The following MMP14 variants were observed in gnomAD, a reference collection of about 807,000 sequenced individuals.
The protein encoded by MMP14 is matrix metalloproteinase-14.
MMP14 carries 13 observed loss-of-function variants against 64.8 expected under a neutral mutation model. That is an observed-to-expected ratio of 0.20 (90% CI 0.13 to 0.32). The LOEUF (loss-of-function observed/expected upper bound fraction) is 0.32, where lower values mean the gene tolerates loss of function less well. Among genes scored for constraint, MMP14 ranks in the 10% least tolerant of loss-of-function variants. The pLI is 1.00. For synonymous variants in MMP14, 322 were observed against 315.9 expected, an observed-to-expected ratio of 1.02 and a Z score of -0.20; for missense variants, 594 against 783.8, an observed-to-expected ratio of 0.76 and a Z score of 2.89.
In MMP14 at chr14:22,846,192, C is replaced by T; in HGVS notation, c.*153C>T. 2 of 714,246 alleles carry T rather than the reference C, an allele frequency of 2.8e-6. No individual in the cohort carries two copies. Among genetic ancestry groups the T allele is most frequent in the South Asian group, 4.0e-5 (2 of 50,390 alleles). The allele number at this position is 714,246 out of a possible 1,614,324, so 44.2% of individuals were successfully genotyped here. A position where few individuals can be genotyped will look rare whatever the true frequency, so the allele number is the denominator to read the frequency against. On this transcript the variant is annotated 3_prime_UTR_variant, in exon 10 of 10. Transcript: ENST00000311852. ...CTGTCCCCTGGCTGGCCTCCTTCAC[C>T]CTGACCGCCTCCCTCCCTCCTGCCC... is the stretch of plus-strand genomic sequence containing the variant.
At chr14:22,839,548 G>C (rs542841683) in intron 1 of MMP14, among the ~76,000 whole-genome samples, 164 of 152,296 alleles carry the variant, frequency 1.1e-3, no homozygotes, top group African/African-American at 3.8e-3. Flanking sequence ...TGTTGGCTGG[G>C]AAAAGGCTGG....
intron 2 of MMP14, 99 bp downstream of exon 2, chr14:22,841,738 C>T (rs753295431): frequency 3.7e-5 from 58 of 1,556,644 alleles, no homozygotes; most frequent in Middle Eastern, 1.7e-4. Context: ...GCACCCCACT[C>T]CCCCATATCT....
chr14:22,842,407 C>A lies in MMP14; in HGVS notation c.381-3C>A. On this transcript the variant is annotated splice_polypyrimidine_tract_variant and splice_region_variant and intron_variant, in intron 3 of 9. Transcript: ENST00000311852. The surrounding 1 kb of genome is among the most constrained non-coding windows in gnomAD (Gnocchi z 5.3). ...ATCCTCTCCCCACGTGGCTGGACCT[C>A]AGCATCCAGAATTACACCCCCAAGG... 1 of 1,607,044 alleles carries A rather than the reference C, an allele frequency of 6.2e-7. No homozygotes were observed.
Position 22,842,278 on chromosome 14 carries a change from G to A in MMP14, c.381-132G>A, listed in dbSNP as rs2039778087. 9.0e-7 allele frequency: 1 copy of A among 1,108,636 alleles called. No individual in the cohort carries two copies. Among genetic ancestry groups the A allele is most frequent in the East Asian group, 2.5e-5 (1 of 39,958 alleles). 68.7% of individuals were successfully genotyped at this position (1,108,636 alleles called of 1,614,324 possible). A position where few individuals can be genotyped will look rare whatever the true frequency, so the allele number is the denominator to read the frequency against. On this transcript the variant is annotated intron_variant, in intron 3 of 9. Transcript: ENST00000311852. This position sits in a 1 kb window ranked among gnomAD's most constrained non-coding sequence, Gnocchi z 5.3. The stretch of plus-strand genomic sequence containing the variant: ...TTGAGACAGAGGCGTTGCGCATGAG[G>A]TAGCAGGAAGAGCTGGGTCAGGCAG...
At chr14:22,845,205 G>A in intron 8 of MMP14, 46 bp from the exon 9 acceptor site, 1 of 1,442,878 alleles carries the variant, frequency 6.9e-7, no homozygotes, top group Non-Finnish European at 9.7e-7. Flanking sequence ...CGCCTCCTGA[G>A]GACATGCCCA....
Position 22,846,115 on chromosome 14 carries a change from T to C in MMP14, c.*76T>C. 7.4e-7 allele frequency: 1 copy of C among 1,359,680 alleles called. No homozygotes were observed. The highest frequency in any genetic ancestry group is 9.7e-7 in the Non-Finnish European group (1 of 1,028,174). 84.2% of individuals were successfully genotyped at this position (1,359,680 alleles called of 1,614,324 possible). A position where few individuals can be genotyped will look rare whatever the true frequency, so the allele number is the denominator to read the frequency against. Reference sequence around the variant, plus strand: ...GCCAGTGGCAGCAGGTGGTGGTGGGTGGGCTGTTCCCATCGTCCCGAGCCC... The same window carrying C: ...GCCAGTGGCAGCAGGTGGTGGTGGGCGGGCTGTTCCCATCGTCCCGAGCCC... On this transcript the variant is annotated 3_prime_UTR_variant, in exon 10 of 10. Transcript: ENST00000311852.
rs772534496 is a variant in MMP14 at position 22,841,949 on chromosome 14, G to C, written c.294G>C (p.Lys98Asn). ...GCCCCCGATGTGGTGTTCCAGACAA[G>C]TTTGGGGCTGAGATCAAGGCCAATG... Reference protein sequence around the residue: ...MRRPRCGVPDKFGAEIKANVR... With the variant: ...MRRPRCGVPDNFGAEIKANVR... The change falls in exon 3 of 10, where the codon AAG becomes AAC. Residue 98 changes from lysine (K) to asparagine (N), a missense_variant. Coordinates refer to ENST00000311852, the MANE Select transcript of MMP14 (RefSeq NM_004995.4). 6.2e-7 allele frequency: 1 copy of C among 1,614,122 alleles called. No individual in the cohort carries two copies. The highest frequency in any genetic ancestry group is 8.5e-7 in the Non-Finnish European group (1 of 1,180,062).
rs1183924205 is a variant in MMP14 at position 22,846,363 on chromosome 14, G to C, written c.*324G>C. ...TTGGGGGCTCTGCACTTGAAGGCAG[G>C]ACCCTCAGACCTCGCTGGTAAAGGT... is the stretch of plus-strand genomic sequence containing the variant. On this transcript the variant is annotated 3_prime_UTR_variant, in exon 10 of 10. Coordinates refer to ENST00000311852, the MANE Select transcript of MMP14 (RefSeq NM_004995.4). The C allele has an allele frequency of 3.1e-6, 1 of 324,076 alleles. No individual in the cohort carries two copies. The highest frequency in any genetic ancestry group is 5.2e-5 in the East Asian group (1 of 19,262). The allele number at this position is 324,076 out of a possible 1,614,324, so 20.1% of individuals were successfully genotyped here.
intron 1 of MMP14, among the ~76,000 whole-genome samples, chr14:22,837,957 G>A (rs1047723041): frequency 2.0e-5 from 3 of 152,252 alleles, no homozygotes; most frequent in Non-Finnish European, 2.9e-5. Context: ...GCGGTTGGGA[G>A]GGGCCAGGAA....
rs2039818410 is a variant in MMP14, at chr14:22,846,848, G to A, written c.*809G>A. 6.5e-6 allele frequency: 1 copy of A among 152,676 alleles called. No homozygotes were observed. Among genetic ancestry groups the A allele is most frequent in the Non-Finnish European group, 1.5e-5 (1 of 68,198 alleles). 9.5% of individuals were successfully genotyped at this position (152,676 alleles called of 1,614,324 possible). On this transcript the variant is annotated 3_prime_UTR_variant, in exon 10 of 10. Coordinates refer to ENST00000311852, the MANE Select transcript of MMP14 (RefSeq NM_004995.4). Reference sequence around the variant, plus strand: ...GTCAGGTAGGGTGGGGCCGGTGGGAGAGGCCCGGGTCAGAGCCCTGGGGGT... The same window carrying A: ...GTCAGGTAGGGTGGGGCCGGTGGGAAAGGCCCGGGTCAGAGCCCTGGGGGT...
chr14:22,837,297 T>TC (rs2039740921), intron 1 of MMP14: 1 of 475,936 alleles, frequency 2.1e-6, no homozygotes, highest in Non-Finnish European at 4.2e-6. Flanking sequence ...CCCCGCGCTG[T>TC]CCCGGCTCCT....
At chr14:22,844,308 G>A in intron 6 of MMP14, 63 bp from the exon 7 acceptor site, 5 of 1,597,648 alleles carry the variant, frequency 3.1e-6, no homozygotes, top group Non-Finnish European at 4.3e-6. Flanking sequence ...GAGCTTTGGG[G>A]ACTGAACCAG....
rs1253297091 is a variant in MMP14 at position 22,836,845 on chromosome 14, T to G, written c.28T>G (p.Cys10Gly). 1.2e-6 allele frequency: 2 copies of G among 1,613,202 alleles called. No individual in the cohort carries two copies. The highest frequency in any genetic ancestry group is 1.7e-6 in the Non-Finnish European group (2 of 1,179,506). MSPAPRPPR[C>G]LLLPLLTLGT... ...GTCTCCCGCCCCAAGACCCCCCCGT[T>G]GTCTCCTGCTCCCCCTGCTCACGCT... The change falls in exon 1 of 10, where the codon TGT becomes GGT. Residue 10 changes from cysteine to glycine, a missense_variant. Physicochemically the swap from Cys to Gly is radical, Grantham distance 159. This residue lies in a region of MMP14 where 45 missense variants were observed against 48.8 expected (regional missense o/e 0.92). Transcript: ENST00000311852.
chr14:22,837,387 C>A (rs756552302), intron 1 of MMP14: 203 of 456,068 alleles, frequency 4.5e-4, no homozygotes, highest in Non-Finnish European at 8.0e-4. Flanking sequence ...CCGATGGGCG[C>A]TTCGGCCTCC....
chr14:22,843,444 T>C lies in MMP14; in HGVS notation c.850+26T>C, dbSNP rs959005393. On this transcript the variant is annotated intron_variant, in intron 5 of 9. Coordinates refer to ENST00000311852, the MANE Select transcript of MMP14 (RefSeq NM_004995.4). The surrounding 1 kb of genome is among the most constrained non-coding windows in gnomAD (Gnocchi z 4.8). ...GCGAGTAGTCTACACCCACGCCTGC[T>C]CCCTCCTCTGCTGCTTGTTCCCTCC... The C allele has an allele frequency of 1.2e-6, 2 of 1,601,226 alleles. No individual in the cohort carries two copies. Among genetic ancestry groups the C allele is most frequent in the Non-Finnish European group, 8.5e-7 (1 of 1,172,170 alleles).
In MMP14 at chr14:22,836,783, C is replaced by A; in HGVS notation, c.-35C>A. 1 of 1,431,546 alleles carries A rather than the reference C, an allele frequency of 7.0e-7. No individual in the cohort carries two copies. Among genetic ancestry groups the A allele is most frequent in the South Asian group, 1.3e-5 (1 of 78,852 alleles). The allele number at this position is 1,431,546 out of a possible 1,614,324, so 88.7% of individuals were successfully genotyped here. On this transcript the variant is annotated 5_prime_UTR_variant, in exon 1 of 10. Coordinates refer to ENST00000311852, the MANE Select transcript of MMP14 (RefSeq NM_004995.4). ...CCAGGGCGTGGGCCCGGCCGCGGAG[C>A]CCACACTGCCCGGCTGACCCGGTGG...
At position 22,842,790 on chromosome 14, in the gene MMP14, C is replaced by A; in HGVS notation, c.688+73C>A. On this transcript the variant is annotated intron_variant, in intron 4 of 9. Coordinates refer to ENST00000311852, the MANE Select transcript of MMP14 (RefSeq NM_004995.4). This position sits in a 1 kb window ranked among gnomAD's most constrained non-coding sequence, Gnocchi z 5.3. The stretch of plus-strand genomic sequence containing the variant: ...TTTGTAGGGGTGGTTCCCCTCCCTC[C>A]TTCCAAAATCTCCGGGCTAGAAGGG... 6.9e-7 allele frequency: 1 copy of A among 1,457,970 alleles called. No individual in the cohort carries two copies. Among genetic ancestry groups the A allele is most frequent in the South Asian group, 1.3e-5 (1 of 74,586 alleles). The allele number at this position is 1,457,970 out of a possible 1,614,324, so 90.3% of individuals were successfully genotyped here. A position where few individuals can be genotyped will look rare whatever the true frequency, so the allele number is the denominator to read the frequency against.
rs1166665253 is a variant in MMP14, at chr14:22,843,911, A to G, written c.1011+41A>G. On this transcript the variant is annotated intron_variant, in intron 6 of 9. Coordinates refer to ENST00000311852, the MANE Select transcript of MMP14 (RefSeq NM_004995.4). This position sits in a 1 kb window ranked among gnomAD's most constrained non-coding sequence, Gnocchi z 4.8. ...CTGGTTTGAAAGACAAAAGGGCCCT[A>G]TGGGCTGGGCATGGTGGCTCATGCC... is the stretch of plus-strand genomic sequence containing the variant. 1.9e-6 allele frequency: 3 copies of G among 1,598,918 alleles called. No homozygotes were observed. Among genetic ancestry groups the G allele is most frequent in the Admixed American group, 3.7e-5 (2 of 54,230 alleles).
chr14:22,841,435 A>G, intron 1 of MMP14, 56 bp from the exon 2 acceptor site: 4 of 1,595,878 alleles, frequency 2.5e-6, no homozygotes, highest in Non-Finnish European at 3.4e-6. Flanking sequence ...TCGGGGAGGT[A>G]GAGGCACCCT....
Sources: allele counts gnomAD v4.1 joint callset (sites outside exome capture counted in the v4.1 genomes callset), GRCh38; gene constraint gnomAD v4.1.1; regional missense constraint gnomAD v4.1.1; non-coding constraint Gnocchi (gnomAD v3.1); transcripts MANE v1.5; gene names NCBI Gene and HGNC (gene_info 2026-07-23, HGNC 2026-07-21).